Variants in IQCE observed in about 807,000 individuals in gnomAD.
IQCE encodes the protein IQ motif containing E, also known as IQ domain-containing protein E.
IQCE carries 115 observed loss-of-function variants against 96.0 expected under a neutral mutation model. The observed-to-expected ratio is 1.20, with a 90% CI of 1.03 to 1.40. The LOEUF is 1.40. Among genes scored for constraint, IQCE ranks in the 40% most tolerant of loss-of-function variants. IQCE has a pLI of 0.00. For synonymous variants in IQCE, 412 were observed against 371.2 expected (o/e 1.11, Z -1.26); for missense variants, 1,041 against 909.1 (o/e 1.15, Z -1.87).
At chr7:2,582,500 G>C (rs1390801044) in intron 8 of IQCE, 80 bp from the exon 9 acceptor site, 2 of 1,163,228 alleles carry the variant, frequency 1.7e-6, no homozygotes, top group Non-Finnish European at 2.6e-6. Context: ...AGGTGTGCCG[G>C]TGCTCTGGCA....
At chr7:2,584,401 G>A in intron 11 of IQCE, 116 bp downstream of exon 11, 2 of 930,530 alleles carry the variant, frequency 2.1e-6, no homozygotes, top group Non-Finnish European at 3.6e-6. Context: ...GCTTGGCAGT[G>A]CTGCCAACAC....
chr7:2,588,713 G>A (rs12700112), intron 13 of IQCE, among the ~76,000 whole-genome samples: 54,706 of 131,572 alleles, frequency 0.42, 11,300 homozygotes, highest in Middle Eastern at 0.5. Flanking sequence ...CGCCCAGGCT[G>A]CAGTGCAGTG....
intron 16 of IQCE, among the ~76,000 whole-genome samples, chr7:2,596,470 G>T (rs1314907974): frequency 7.0e-6 from 1 of 142,436 alleles, no homozygotes; most frequent in African/African-American, 2.6e-5. Flanking sequence ...TATTAGCTTT[G>T]TGTTATTTTC....
intron 3 of IQCE, among the ~76,000 whole-genome samples, chr7:2,570,212 G>A (rs1304794729): frequency 6.6e-6 from 1 of 152,044 alleles, no homozygotes; most frequent in African/African-American, 2.4e-5. Flanking sequence ...CCTGCTTTCC[G>A]AGTTTGTCGT....
At chr7:2,569,511 G>C (rs1029367680) in intron 3 of IQCE, among the ~76,000 whole-genome samples, 2 of 152,146 alleles carry the variant, frequency 1.3e-5, no homozygotes, top group Non-Finnish European at 2.9e-5. Context: ...CAGGAGGAGG[G>C]CAGCATTTGC....
chr7:2,572,019 TGTA>T (rs1781787449), intron 4 of IQCE, among the ~76,000 whole-genome samples, 170 bp from the exon 5 acceptor site: 1 of 152,218 alleles, frequency 6.6e-6, no homozygotes, highest in Non-Finnish European at 1.5e-5. Context: ...TAATCAGGAC[TGTA>T]TTAATTGATA....
chr7:2,594,638 G>A (rs1195384325), intron 15 of IQCE, among the ~76,000 whole-genome samples: 1 of 152,250 alleles, frequency 6.6e-6, no homozygotes, highest in East Asian at 1.9e-4. Context: ...GGGGTCCTCA[G>A]CCACGGCCTC....
Position 2,614,182 on chromosome 7 carries a change from G to T in IQCE, c.*4020G>T, listed in dbSNP as rs1785210033. On this transcript the variant is annotated 3_prime_UTR_variant, in exon 22 of 22. Transcript: ENST00000402050. ...GCCCAACCTAGCTCAGATCCACCAA[G>T]ATAAGCACAGCAAAGCTTGGCTGCA... is the stretch of plus-strand genomic sequence containing the variant. The T allele has an allele frequency of 6.6e-6, 1 of 152,200 alleles. No homozygotes were observed. Among genetic ancestry groups the T allele is most frequent in the Non-Finnish European group, 1.5e-5 (1 of 68,050 alleles). 9.4% of individuals were successfully genotyped at this position (152,200 alleles called of 1,614,324 possible). A position where few individuals can be genotyped will look rare whatever the true frequency, so the allele number is the denominator to read the frequency against.
chr7:2,601,778 G>T, intron 18 of IQCE: 1 of 309,042 alleles, frequency 3.2e-6, no homozygotes, highest in Non-Finnish European at 6.0e-6. Context: ...TCCAACTCCT[G>T]ACCTTAGGTG....
intron 11 of IQCE, chr7:2,584,604 A>T (rs938916593): frequency 3.3e-6 from 1 of 299,720 alleles, no homozygotes; most frequent in African/African-American, 2.2e-5. Flanking sequence ...TTAGGAAGAC[A>T]TTGCACACAA....
intron 2 of IQCE, among the ~76,000 whole-genome samples, chr7:2,568,332 A>G (rs1781527539): frequency 6.6e-6 from 1 of 152,238 alleles, no homozygotes; most frequent in South Asian, 2.1e-4. Context: ...CCCATCCCCA[A>G]GATACCTCAT....
At chr7:2,562,536 C>T (rs768041326) in intron 1 of IQCE, among the ~76,000 whole-genome samples, 9 of 150,016 alleles carry the variant, frequency 6.0e-5, no homozygotes, top group Non-Finnish European at 7.4e-5. Context: ...AATTCACCAG[C>T]GAGACCATGT....
At chr7:2,570,131 C>T (rs1036504) in intron 3 of IQCE, among the ~76,000 whole-genome samples, 92,821 of 151,786 alleles carry the variant, frequency 0.61, 28,465 homozygotes, top group African/African-American at 0.66. Flanking sequence ...GTTTGCAGCT[C>T]CCACCACGTT....
In IQCE at chr7:2,610,081, A is replaced by T; in HGVS notation, c.2007A>T (p.Leu669=). ...CAGGGCCACAGGCCTTGGCACCTCTACCTGGGGATGACGTCAACTCCGATG... is the reference window on the plus strand; with the variant it reads ...CAGGGCCACAGGCCTTGGCACCTCTTCCTGGGGATGACGTCAACTCCGATG... ...SPSGPQALAP[L]PGDDVNSDDS... Residue 669 remains leucine (L), a synonymous_variant, in exon 22 of 22, where the codon CTA becomes CTT. Coordinates refer to ENST00000402050, the MANE Select transcript of IQCE (RefSeq NM_152558.5). The T allele has an allele frequency of 6.2e-7, 1 of 1,611,906 alleles. No homozygotes were observed. Among genetic ancestry groups the T allele is most frequent in the African/African-American group, 1.3e-5 (1 of 74,936 alleles).
Position 2,558,983 on chromosome 7 carries a change from A to T in IQCE, c.-199A>T, listed in dbSNP as rs1367051926. 2.2e-5 allele frequency: 7 copies of T among 319,440 alleles called. No homozygotes were observed. In the East Asian group the frequency reaches 3.3e-4, roughly 15 times the overall value. 19.8% of individuals were successfully genotyped at this position (319,440 alleles called of 1,614,324 possible). On this transcript the variant is annotated 5_prime_UTR_variant, in exon 1 of 22. Coordinates refer to ENST00000402050, the MANE Select transcript of IQCE (RefSeq NM_152558.5). ...CGGCCGGCGCCCGCGGACTCTGCGC[A>T]CGCGCATGGTCGCCCCAGGGGGAAC...
At chr7:2,564,472 C>T (rs1781213673) in intron 1 of IQCE, among the ~76,000 whole-genome samples, 1 of 151,898 alleles carries the variant, frequency 6.6e-6, no homozygotes, top group Middle Eastern at 3.2e-3. Context: ...GGTGGCGGCA[C>T]CTGTAATCCC....
At chr7:2,568,873 C>G in intron 2 of IQCE, 81 bp from the exon 3 acceptor site, 3 of 1,311,216 alleles carry the variant, frequency 2.3e-6, no homozygotes, top group Non-Finnish European at 3.3e-6. Context: ...CGACCCCTGA[C>G]CCTTTCTGAA....
rs114724064 is a variant in IQCE at position 2,584,778 on chromosome 7, T to C, written c.824+493T>C. ...TGGCTTTGGCCACGTCACTGGCCTC[T>C]GCAGCAGTTTGCTGACGTCGTGGAC... On this transcript the variant is annotated intron_variant, in intron 11 of 21. Transcript: ENST00000402050. The C allele has an allele frequency of 9.2e-3, 1,460 of 158,088 alleles. 19 individuals are homozygous for C. Among genetic ancestry groups the C allele is most frequent in the African/African-American group, 0.033 (1,384 of 41,712 alleles). The allele number at this position is 158,088 out of a possible 1,614,324, so 9.8% of individuals were successfully genotyped here.
chr7:2,604,206 T>G (rs1219461979), intron 18 of IQCE, among the ~76,000 whole-genome samples: 2 of 152,128 alleles, frequency 1.3e-5, no homozygotes, highest in African/African-American at 2.4e-5. Context: ...CAGGCTGGTC[T>G]CAAACTCCTG....
Sources: allele counts gnomAD v4.1 joint callset (sites outside exome capture counted in the v4.1 genomes callset), GRCh38; gene constraint gnomAD v4.1.1; transcripts MANE v1.5; gene names NCBI Gene and HGNC (gene_info 2026-07-23, HGNC 2026-07-21).